Variants in GALNT5 observed in about 807,000 individuals in gnomAD.
GALNT5 encodes polypeptide N-acetylgalactosaminyltransferase 5.
Under a neutral mutation model 85.4 loss-of-function variants are expected in GALNT5, and 72 were observed. That is an observed-to-expected ratio of 0.84 (90% CI 0.70 to 1.03). The LOEUF is 1.03. Among genes scored for constraint, GALNT5 ranks in the 50% least tolerant of loss-of-function variants. The probability of loss-of-function intolerance (pLI) is 0.00; values close to 1 mark genes in which losing one functional copy is unlikely to be tolerated. For missense variants in GALNT5, 1,137 were observed against 1,135.5 expected (o/e 1.00, Z -0.02); for synonymous variants, 404 against 397.0 (o/e 1.02, Z -0.21).
chr2:157,311,418 T>C lies in GALNT5; in HGVS notation c.*70T>C. ...AAAATAACACTGAACTTGGAAACTA[T>C]ATTTCTCAGCGGTAGTTTAAATTTT... is the stretch of plus-strand genomic sequence containing the variant. On this transcript the variant is annotated 3_prime_UTR_variant, in exon 10 of 10. Coordinates refer to ENST00000259056, the MANE Select transcript of GALNT5 (RefSeq NM_014568.3). The C allele has an allele frequency of 9.8e-7, 1 of 1,020,576 alleles. No individual in the cohort carries two copies. The highest frequency in any genetic ancestry group is 1.4e-6 in the Non-Finnish European group (1 of 700,946). 63.2% of individuals were successfully genotyped at this position (1,020,576 alleles called of 1,614,324 possible).
intron 3 of GALNT5, among the ~76,000 whole-genome samples, chr2:157,286,575 C>T (rs1036032066): frequency 6.6e-6 from 1 of 152,176 alleles, no homozygotes; most frequent in Non-Finnish European, 1.5e-5. Context: ...GCCATCTCAG[C>T]TCACCACAAC....
chr2:157,274,236 G>A (rs1682667282), intron 1 of GALNT5, among the ~76,000 whole-genome samples: 1 of 152,180 alleles, frequency 6.6e-6, no homozygotes. Flanking sequence ...GGACATTTAG[G>A]TTGGTTCCAA....
rs537075387 is a variant in GALNT5, at chr2:157,315,259, G to A, written c.*3911G>A. On this transcript the variant is annotated 3_prime_UTR_variant, in exon 10 of 10. Transcript: ENST00000259056. Reference sequence around the variant, plus strand: ...CACTGATGGGTACAACTCATCAAATGACTCTCATTCTCCCTGTTATATGAA... The same window carrying A: ...CACTGATGGGTACAACTCATCAAATAACTCTCATTCTCCCTGTTATATGAA... 1.3e-5 allele frequency among the ~76,000 whole-genome samples: 2 copies of A among 152,188 alleles called. No homozygotes were observed. Among genetic ancestry groups the A allele is most frequent in the African/African-American group, 4.8e-5 (2 of 41,518 alleles).
intron 1 of GALNT5, among the ~76,000 whole-genome samples, chr2:157,270,661 T>C (rs547207197): frequency 6.6e-6 from 1 of 152,364 alleles, no homozygotes; most frequent in South Asian, 2.1e-4. Flanking sequence ...TTATCAAATA[T>C]TTATTGTGTA....
In GALNT5 at chr2:157,308,577, T is replaced by G. The variant is rs780225688; in HGVS notation, c.2531T>G (p.Phe844Cys). The change falls in exon 9 of 10, where the codon TTT becomes TGT. Residue 844 changes from phenylalanine (F) to cysteine (C), a missense_variant. Coordinates refer to ENST00000259056, the MANE Select transcript of GALNT5 (RefSeq NM_014568.3). Reference sequence around the variant, plus strand: ...TCATTTCCCCCACAGCTTCAACAATTTAATTACACCTGGTTAAGACTTATT... The same window carrying G: ...TCATTTCCCCCACAGCTTCAACAATGTAATTACACCTGGTTAAGACTTATT... ...DCDGSKELQQ[F>C]NYTWLRLIKC... 5.6e-6 allele frequency: 9 copies of G among 1,606,154 alleles called. No homozygotes were observed. The Admixed American group carries it at 6.9e-5, about 12-fold the overall frequency.
At chr2:157,268,454 CAT>C (rs1682507390) in intron 1 of GALNT5, among the ~76,000 whole-genome samples, 1 of 152,222 alleles carries the variant, frequency 6.6e-6, no homozygotes, top group Non-Finnish European at 1.5e-5. Context: ...TAGGTTCTCA[CAT>C]GAGTTTTTCA....
chr2:157,301,051 A>C, intron 7 of GALNT5, 52 bp downstream of exon 7: 4 of 1,285,586 alleles, frequency 3.1e-6, no homozygotes, highest in Non-Finnish European at 4.4e-6. Flanking sequence ...AAAACACAAA[A>C]TCTCTTTCAA....
Position 157,259,328 on chromosome 2 carries a change from G to C in GALNT5, c.1246G>C (p.Glu416Gln). The C allele has an allele frequency of 6.4e-7, 1 of 1,572,966 alleles. No individual in the cohort carries two copies. The highest frequency in any genetic ancestry group is 8.6e-7 in the Non-Finnish European group (1 of 1,162,636). The part of the protein sequence containing the change: ...NQSHIKALLP[E>Q]DSGTHQVLRI... ...GAGTCATATAAAAGCCCTTTTACCT[G>C]AAGACAGTGGAACGCACCAGGTGTT... The change falls in exon 1 of 10, where the codon GAA becomes CAA. Residue 416 changes from glutamate to glutamine, a missense_variant. Transcript: ENST00000259056.
In GALNT5 at chr2:157,259,090, A is replaced by G. The variant is rs984922184; in HGVS notation, c.1008A>G (p.Lys336=). ...TKEEEQKADP[K]EVSNSKTKTI... is the part of the protein sequence containing the mutation. Reference sequence around the variant, plus strand: ...AGGAAGAGCAAAAGGCAGACCCCAAAGAGGTCTCTAATTCTAAAACCAAAA... The same window carrying G: ...AGGAAGAGCAAAAGGCAGACCCCAAGGAGGTCTCTAATTCTAAAACCAAAA... Residue 336 remains lysine, a synonymous_variant, in exon 1 of 10, where the codon AAA becomes AAG. Transcript: ENST00000259056. The G allele has an allele frequency of 1.3e-6, 2 of 1,483,240 alleles. No homozygotes were observed. The highest frequency in any genetic ancestry group is 1.8e-6 in the Non-Finnish European group (2 of 1,115,504). The allele number at this position is 1,483,240 out of a possible 1,614,324, so 91.9% of individuals were successfully genotyped here.
rs542707306 is a variant in GALNT5, at chr2:157,295,083, T to G, written c.1742-580T>G. On this transcript the variant is annotated intron_variant, in intron 3 of 9. Transcript: ENST00000259056. Reference sequence around the variant, plus strand: ...CCCATAGTGTTACATACGTTCACATTGGTGTGCAGTCTCCACGACTCTTTT... The same window carrying G: ...CCCATAGTGTTACATACGTTCACATGGGTGTGCAGTCTCCACGACTCTTTT... Among the ~76,000 whole-genome samples the G allele has an allele frequency of 2.6e-5, 4 of 152,264 alleles. No homozygotes were observed. In the East Asian group the frequency reaches 7.7e-4, roughly 29 times the overall value.
rs574397298 is a variant in GALNT5, at chr2:157,317,960, C to A, written c.*6612C>A. On this transcript the variant is annotated 3_prime_UTR_variant, in exon 10 of 10. Transcript: ENST00000259056. ...GAATATTGTAGGGGTTATCAGAAAC[C>A]CATATTCATTGTGGTATGTTTCTGT... Among the ~76,000 whole-genome samples, 1 of 152,004 alleles carries A rather than the reference C, an allele frequency of 6.6e-6. No individual in the cohort carries two copies. The highest frequency in any genetic ancestry group is 1.5e-5 in the Non-Finnish European group (1 of 67,980).
At chr2:157,262,207 T>TAAAAAAAAAAAAAAAAAAAAA (rs535714685) in intron 1 of GALNT5, among the ~76,000 whole-genome samples, 1 of 97,838 alleles carries the variant, frequency 1.0e-5, no homozygotes, top group Non-Finnish European at 2.4e-5. Context: ...CCAAAAAATG[T>TAAAAAAAAAAAAAAAAAAAAA]AAAAAAAAAA....
chr2:157,302,197 A>AT (rs1683358654), intron 7 of GALNT5: 1 of 152,094 alleles, frequency 6.6e-6, no homozygotes, highest in Non-Finnish European at 1.5e-5. Flanking sequence ...TTTAGGCCAA[A>AT]TTTTTTCAGT....
chr2:157,304,609 A>G (rs1235985807), intron 7 of GALNT5, among the ~76,000 whole-genome samples: 1 of 152,196 alleles, frequency 6.6e-6, no homozygotes, highest in Non-Finnish European at 1.5e-5. Flanking sequence ...TTCCGCTGTT[A>G]TGTGGAAGAC....
intron 2 of GALNT5, among the ~76,000 whole-genome samples, chr2:157,285,450 T>C (rs1205484642): frequency 1.3e-5 from 2 of 152,140 alleles, no homozygotes; most frequent in South Asian, 2.1e-4. Flanking sequence ...TAGCTGTCAA[T>C]AGCTTGATTA....
Position 157,259,209 on chromosome 2 carries a change from T to C in GALNT5, c.1127T>C (p.Val376Ala), listed in dbSNP as rs1410081999. The C allele has an allele frequency of 6.3e-7, 1 of 1,583,300 alleles. No homozygotes were observed. The highest frequency in any genetic ancestry group is 2.2e-5 in the East Asian group (1 of 44,740). ...TCCTCTTCACTTGCTCCACATAGAG[T>C]GCCACTGTCCCAAACTAACCATGCT... ...MSSSSLAPHR[V>A]PLSQTNHALT... Residue 376 changes from valine (V) to alanine (A), a missense_variant, in exon 1 of 10, where the codon GTG (valine) becomes GCG (alanine). Physicochemically the swap from Val to Ala is moderately conservative, Grantham distance 64 (BLOSUM62 0). Transcript: ENST00000259056.
chr2:157,295,186 C>A (rs1206277320), intron 3 of GALNT5, among the ~76,000 whole-genome samples: 3 of 152,146 alleles, frequency 2.0e-5, no homozygotes, highest in African/African-American at 7.2e-5. Flanking sequence ...TAACTCTTTT[C>A]ATTACCTCCT....
intron 1 of GALNT5, among the ~76,000 whole-genome samples, chr2:157,272,527 C>T (rs1314283998): frequency 6.6e-6 from 1 of 152,154 alleles, no homozygotes; most frequent in African/African-American, 2.4e-5. Context: ...GTTACCCCTC[C>T]TTCCTTACCC....
chr2:157,298,030 T>C (rs1660945209), intron 5 of GALNT5, among the ~76,000 whole-genome samples: 1 of 152,222 alleles, frequency 6.6e-6, no homozygotes, highest in Admixed American at 6.5e-5. Context: ...TTTTAAGAAC[T>C]GAATCAGATA....
Sources: gnomAD v4.1 joint callset for allele counts (sites outside exome capture counted in the v4.1 genomes callset) on GRCh38, gnomAD v4.1.1 for gene constraint, MANE v1.5 for transcripts, NCBI Gene and HGNC (gene_info 2026-07-23, HGNC 2026-07-21) for gene names.